Variants in AKR1C4 observed in about 807,000 individuals in gnomAD.
AKR1C4 encodes the protein 3-alpha-HSD1.
A neutral mutation model predicts 41.0 loss-of-function variants in AKR1C4; 44 were observed. That is an observed-to-expected ratio of 1.07 (90% CI 0.84 to 1.38). AKR1C4 has a LOEUF of 1.38. Among genes scored for constraint, AKR1C4 ranks in the 40% most tolerant of loss-of-function variants. AKR1C4 has a pLI of 0.00. For synonymous variants in AKR1C4, 165 were observed against 137.7 expected (o/e 1.20, Z -1.39); for missense variants, 438 against 387.9 (o/e 1.13, Z -1.09).
Position 5,213,139 on chromosome 10 carries a change from C to G in AKR1C4, c.826C>G (p.Arg276Gly). Residue 276 changes from arginine (R) to glycine (G), a missense_variant, in exon 7 of 9, where the codon CGG becomes GGG. Physicochemically the swap from Arg to Gly is moderately radical, Grantham distance 125 (BLOSUM62 -2). Coordinates refer to ENST00000263126, the MANE Select transcript of AKR1C4 (RefSeq NM_001818.5). The part of the protein sequence containing the change: ...VVLAKSYNEQ[R>G]IRENIQVFEF... ...CCTGGCCAAGAGCTACAATGAGCAG[C>G]GGATCAGAGAGAACATCCAGGTGAG... 6.2e-7 allele frequency: 1 copy of G among 1,613,816 alleles called. No individual in the cohort carries two copies. The highest frequency in any genetic ancestry group is 2.2e-5 in the East Asian group (1 of 44,876).
intron 3 of AKR1C4, among the ~76,000 whole-genome samples, chr10:5,205,040 T>C (rs1294323813): frequency 6.6e-6 from 1 of 152,190 alleles, no homozygotes; most frequent in Non-Finnish European, 1.5e-5. Flanking sequence ...CTTTTAAATT[T>C]ATAGAAAAAA....
In AKR1C4 at chr10:5,204,436, A is replaced by G; in HGVS notation, c.312A>G (p.Lys104=). 1 of 1,614,060 alleles carries G rather than the reference A, an allele frequency of 6.2e-7. No homozygotes were observed. The highest frequency in any genetic ancestry group is 8.5e-7 in the Non-Finnish European group (1 of 1,179,944). The change falls in exon 3 of 9, where the codon AAA becomes AAG. Residue 104 remains lysine, a synonymous_variant. Coordinates refer to ENST00000263126, the MANE Select transcript of AKR1C4 (RefSeq NM_001818.5). The part of the protein sequence containing the change: ...MVQPALESSL[K]KLQLDYVDLY... ...AACCAGCCTTGGAAAGCTCACTGAA[A>G]AAACTTCAACTGGACTATGTTGACC...
intron 8 of AKR1C4, 73 bp from the exon 9 acceptor site, chr10:5,218,645 A>G: frequency 1.6e-6 from 2 of 1,243,992 alleles, no homozygotes; most frequent in Non-Finnish European, 2.3e-6. Context: ...AGCTTCATAT[A>G]AATTCACTTT....
intron 8 of AKR1C4, among the ~76,000 whole-genome samples, 174 bp downstream of exon 8, chr10:5,216,967 G>A (rs1832665913): frequency 1.3e-5 from 2 of 152,198 alleles, no homozygotes; most frequent in African/African-American, 4.8e-5. Context: ...TTCTCTGACA[G>A]GGTGAGTGGA....
At chr10:5,216,230 C>T (rs1386614705) in intron 7 of AKR1C4, among the ~76,000 whole-genome samples, 1 of 152,162 alleles carries the variant, frequency 6.6e-6, no homozygotes, top group African/African-American at 2.4e-5. Context: ...CACTCATTAC[C>T]ATGGGGAGGG....
intron 1 of AKR1C4, among the ~76,000 whole-genome samples, chr10:5,199,834 G>A (rs941142816): frequency 2.6e-5 from 4 of 152,194 alleles, no homozygotes; most frequent in Non-Finnish European, 5.9e-5. Flanking sequence ...AAGAACTCAG[G>A]ATACAGAAAG....
At chr10:5,201,360 T>C (rs995985887) in intron 2 of AKR1C4, among the ~76,000 whole-genome samples, 1 of 152,228 alleles carries the variant, frequency 6.6e-6, no homozygotes, top group Non-Finnish European at 1.5e-5. Flanking sequence ...TTATTAGTTA[T>C]GTTGAGCATT....
At chr10:5,215,077 T>C (rs1554798359) in intron 7 of AKR1C4, among the ~76,000 whole-genome samples, 1 of 152,214 alleles carries the variant, frequency 6.6e-6, no homozygotes, top group Non-Finnish European at 1.5e-5. Flanking sequence ...TGAAACTGTA[T>C]AATGCTGCAG....
chr10:5,208,615 A>T lies in AKR1C4; in HGVS notation c.570+2218A>T, dbSNP rs1832524700. On this transcript the variant is annotated intron_variant, in intron 5 of 8. Coordinates refer to ENST00000263126, the MANE Select transcript of AKR1C4 (RefSeq NM_001818.5). ...TTCACCTCTACAGACCTTTCAAAGC[A>T]TGGCATAGGAATGAAGATATTCTCC... Among the ~76,000 whole-genome samples, 5 of 151,710 alleles carry T rather than the reference A, an allele frequency of 3.3e-5. No homozygotes were observed. In the South Asian group the frequency reaches 1.0e-3, roughly 31 times the overall value.
At chr10:5,207,734 AAT>A in intron 5 of AKR1C4, 1 of 493,316 alleles carries the variant, frequency 2.0e-6, no homozygotes, top group Non-Finnish European at 3.8e-6. Flanking sequence ...ATATTGCAGT[AAT>A]ATAAAAAGAT....
intron 7 of AKR1C4, among the ~76,000 whole-genome samples, chr10:5,215,525 C>T (rs1169275177): frequency 6.6e-6 from 1 of 152,116 alleles, no homozygotes; most frequent in Non-Finnish European, 1.5e-5. Flanking sequence ...TTAGGTCATT[C>T]CTTTGCACCC....
Position 5,213,036 on chromosome 10 carries a change from T to G in AKR1C4, c.723T>G (p.Leu241=). 1 of 1,614,114 alleles carries G rather than the reference T, an allele frequency of 6.2e-7. No homozygotes were observed. Among genetic ancestry groups the G allele is most frequent in the Non-Finnish European group, 8.5e-7 (1 of 1,180,000 alleles). Residue 241 remains leucine, a synonymous_variant, in exon 7 of 9, where the codon CTT becomes CTG. Coordinates refer to ENST00000263126, the MANE Select transcript of AKR1C4 (RefSeq NM_001818.5). ...NSPVLLEDPV[L]CALAKKHKQT... ...CAGTTCTTTTGGAGGACCCAGTTCT[T>G]TGTGCCTTAGCAAAGAAACACAAAC... is the stretch of plus-strand genomic sequence containing the variant.
intron 3 of AKR1C4, among the ~76,000 whole-genome samples, chr10:5,205,097 T>C (rs2132129195): frequency 6.6e-6 from 1 of 152,336 alleles, no homozygotes; most frequent in Non-Finnish European, 1.5e-5. Flanking sequence ...ATGATGCAAA[T>C]GGGTAGTCAC....
At chr10:5,206,026 C>G (rs570966123) in intron 4 of AKR1C4, among the ~76,000 whole-genome samples, 192 bp downstream of exon 4, 1 of 152,278 alleles carries the variant, frequency 6.6e-6, no homozygotes, top group South Asian at 2.1e-4. Context: ...AGGAGATAAA[C>G]TGGGGACAAG....
At chr10:5,212,831 G>T in intron 6 of AKR1C4, 106 bp downstream of exon 6, 1 of 1,410,924 alleles carries the variant, frequency 7.1e-7, no homozygotes, top group South Asian at 1.3e-5. Flanking sequence ...TCAGGGTAAG[G>T]GGATAATTTG....
chr10:5,207,010 C>T (rs1482742191), intron 5 of AKR1C4, among the ~76,000 whole-genome samples: 2 of 152,098 alleles, frequency 1.3e-5, no homozygotes, highest in Non-Finnish European at 2.9e-5. Context: ...GCGTGCTACC[C>T]CCACCCCTGC....
At chr10:5,200,722 C>T (rs1297409405) in intron 2 of AKR1C4, among the ~76,000 whole-genome samples, 2 of 152,156 alleles carry the variant, frequency 1.3e-5, no homozygotes, top group Non-Finnish European at 2.9e-5. Flanking sequence ...CACTGGACAT[C>T]GTACTCACTA....
At chr10:5,200,883 C>G (rs1832391085) in intron 2 of AKR1C4, among the ~76,000 whole-genome samples, 1 of 152,098 alleles carries the variant, frequency 6.6e-6, no homozygotes, top group South Asian at 2.1e-4. Flanking sequence ...TCCTGAATTA[C>G]TTTACTTAGA....
chr10:5,215,695 C>T (rs1237710771), intron 7 of AKR1C4, among the ~76,000 whole-genome samples: 1 of 152,184 alleles, frequency 6.6e-6, no homozygotes, highest in Non-Finnish European at 1.5e-5. Context: ...TAAGGTATAA[C>T]AAGGGTGATC....
Sources: gnomAD v4.1 joint callset for allele counts (sites outside exome capture counted in the v4.1 genomes callset) on GRCh38, gnomAD v4.1.1 for gene constraint, MANE v1.5 for transcripts, NCBI Gene and HGNC (gene_info 2026-07-23, HGNC 2026-07-21) for gene names.